Variants in SAR1B observed in about 807,000 individuals in gnomAD.
SAR1B encodes the protein secretion associated Ras related GTPase 1B.
In SAR1B, 23 loss-of-function variants were observed where a neutral mutation model predicts 26.8. The ratio of observed to expected loss-of-function variants is 0.86; its 90% CI spans 0.62 to 1.22. The LOEUF (loss-of-function observed/expected upper bound fraction) is 1.22, where lower values mean the gene tolerates loss of function less well. Ranked by LOEUF, SAR1B falls within the 50% of genes most tolerant of loss-of-function variation. The pLI, the probability that SAR1B is intolerant of heterozygous loss-of-function variation, is 0.00. For missense variants in SAR1B, 196 were observed against 232.8 expected, an observed-to-expected ratio of 0.84 and a Z score of 1.03; for synonymous variants, 65 against 80.8, an observed-to-expected ratio of 0.80 and a Z score of 1.05.
chr5:134,622,442 G>T (rs1302713580), intron 2 of SAR1B, among the ~76,000 whole-genome samples: 3 of 136,774 alleles, frequency 2.2e-5, no homozygotes, highest in Admixed American at 8.1e-5. Context: ...ACGGAGTCTC[G>T]CTCTGTCACC....
rs1765110105 is a variant in SAR1B, at chr5:134,605,497, A to G, written c.*1453T>C. On this transcript the variant is annotated 3_prime_UTR_variant, in exon 7 of 7. Transcript: ENST00000402673. ...GGCTTGCAGGCCCTATCACATGGCA[A>G]GCATAATATCTAAAAACAAAAGTCA... 6.6e-6 allele frequency: 1 copy of G among 152,026 alleles called. No homozygotes were observed. Among genetic ancestry groups the G allele is most frequent in the Admixed American group, 6.6e-5 (1 of 15,246 alleles). 9.4% of individuals were successfully genotyped at this position (152,026 alleles called of 1,614,324 possible).
chr5:134,608,489 A>G lies in SAR1B; in HGVS notation c.363T>C (p.Asp121=). 1 of 1,612,284 alleles carries G rather than the reference A, an allele frequency of 6.2e-7. No homozygotes were observed. The highest frequency in any genetic ancestry group is 8.5e-7 in the Non-Finnish European group (1 of 1,179,436). ...SKEELDSLMT[D]ETIANVPILI... ...GTATAGGCACATTAGCAATGGTTTC[A>G]TCTGTCATTAGTGACTGAAAAAAAC... is the stretch of plus-strand genomic sequence containing the variant. The change falls in exon 6 of 7, where the codon GAT becomes GAC. Residue 121 remains aspartate, a synonymous_variant. Transcript: ENST00000402673.
At chr5:134,608,246 A>G in intron 6 of SAR1B, 126 bp downstream of exon 6, 1 of 961,622 alleles carries the variant, frequency 1.0e-6, no homozygotes, top group Non-Finnish European at 1.5e-6. Flanking sequence ...AAAGACCCAC[A>G]GGTATAAATG....
intron 1 of SAR1B, among the ~76,000 whole-genome samples, chr5:134,630,889 CTTTTTTTTTT>C (rs781218368): frequency 1.2e-4 from 8 of 69,124 alleles, no homozygotes; most frequent in South Asian, 4.8e-4. Flanking sequence ...CTTTTTTTTT[CTTTTTTTTTT>C]TTTTTTTTTT....
chr5:134,621,333 G>T (rs1056910601), intron 2 of SAR1B, among the ~76,000 whole-genome samples: 2 of 152,124 alleles, frequency 1.3e-5, no homozygotes, highest in Non-Finnish European at 2.9e-5. Flanking sequence ...AGCCAGGTGT[G>T]GTGGCGCATG....
chr5:134,603,370 C>T lies in SAR1B; in HGVS notation c.*3580G>A, dbSNP rs781246223. The T allele has an allele frequency of 6.6e-6, 1 of 152,188 alleles. No homozygotes were observed. The highest frequency in any genetic ancestry group is 6.5e-5 in the Admixed American group (1 of 15,272). 9.4% of individuals were successfully genotyped at this position (152,188 alleles called of 1,614,324 possible). A position where few individuals can be genotyped will look rare whatever the true frequency, so the allele number is the denominator to read the frequency against. On this transcript the variant is annotated 3_prime_UTR_variant, in exon 7 of 7. Transcript: ENST00000402673. ...AACTATACTGTTTCTAATGATGGAA[C>T]CTGTGAAATGCTGGGTTTTGAATGT...
intron 1 of SAR1B, among the ~76,000 whole-genome samples, chr5:134,629,867 C>T (rs1382040815): frequency 7.3e-6 from 1 of 137,332 alleles, no homozygotes; most frequent in Non-Finnish European, 1.6e-5. Context: ...GCCTAGGCAA[C>T]AGGGCAACAT....
intron 1 of SAR1B, among the ~76,000 whole-genome samples, chr5:134,625,447 G>C (rs563028713): frequency 6.6e-6 from 1 of 152,282 alleles, no homozygotes; most frequent in South Asian, 2.1e-4. Flanking sequence ...AGTTCAAGTT[G>C]AGTGGACAAA....
At position 134,602,538 on chromosome 5, in the gene SAR1B, T is replaced by A. The variant is rs1344999583; in HGVS notation, c.*4412A>T. The A allele has an allele frequency of 6.6e-6, 1 of 152,148 alleles. No homozygotes were observed. Among genetic ancestry groups the A allele is most frequent in the African/African-American group, 2.4e-5 (1 of 41,438 alleles). The allele number at this position is 152,148 out of a possible 1,614,324, so 9.4% of individuals were successfully genotyped here. ...TTTTATTTGGTTAAAAAGCACTAAC[T>A]TGAATTTCAAAAGAAGGATAATAAT... On this transcript the variant is annotated 3_prime_UTR_variant, in exon 7 of 7. Transcript: ENST00000402673.
At chr5:134,625,941 A>T (rs1765485949) in intron 1 of SAR1B, 1 of 152,156 alleles carries the variant, frequency 6.6e-6, no homozygotes, top group African/African-American at 2.4e-5. Context: ...ATTTGTCCCA[A>T]GAGAGATAAT....
intron 1 of SAR1B, among the ~76,000 whole-genome samples, chr5:134,624,282 C>T (rs1328427645): frequency 6.6e-6 from 1 of 152,006 alleles, no homozygotes; most frequent in African/African-American, 2.4e-5. Flanking sequence ...GGTCATGGGC[C>T]CCTGTAATCC....
At chr5:134,628,931 G>A (rs1765549199) in intron 1 of SAR1B, among the ~76,000 whole-genome samples, 1 of 152,046 alleles carries the variant, frequency 6.6e-6, no homozygotes, top group South Asian at 2.1e-4. Flanking sequence ...TGGGATTACA[G>A]ATGTGAGCCA....
intron 3 of SAR1B, among the ~76,000 whole-genome samples, chr5:134,617,828 C>T (rs563850247): frequency 2.0e-5 from 3 of 152,246 alleles, no homozygotes; most frequent in African/African-American, 4.8e-5. Context: ...ATTACAGGCA[C>T]GTGCCACCGT....
intron 1 of SAR1B, among the ~76,000 whole-genome samples, chr5:134,629,733 A>C (rs1015146731): frequency 2.6e-5 from 4 of 151,412 alleles, no homozygotes; most frequent in South Asian, 2.1e-4. Context: ...ACAAAAAAAA[A>C]CAATTAGCTG....
chr5:134,608,632 CT>C, intron 5 of SAR1B, 129 bp from the exon 6 acceptor site: 1 of 1,023,696 alleles, frequency 9.8e-7, no homozygotes, highest in Non-Finnish European at 1.5e-6. Flanking sequence ...CTTTGTCAAA[CT>C]TTCCCCACAT....
At chr5:134,608,144 A>G (rs1765158950) in intron 6 of SAR1B, among the ~76,000 whole-genome samples, 1 of 152,198 alleles carries the variant, frequency 6.6e-6, no homozygotes, top group Non-Finnish European at 1.5e-5. Context: ...AGTTTCCTAT[A>G]AGCACAAGCC....
chr5:134,623,504 TAA>T (rs62986962), intron 2 of SAR1B, among the ~76,000 whole-genome samples: 11 of 137,896 alleles, frequency 8.0e-5, no homozygotes, highest in African/African-American at 2.4e-4. Context: ...TCTATAAAAT[TAA>T]AAAAAAAAAA....
Position 134,606,399 on chromosome 5 carries a change from C to T in SAR1B, c.*551G>A, listed in dbSNP as rs570850821. 6.0e-6 allele frequency: 1 copy of T among 166,288 alleles called. No individual in the cohort carries two copies. The highest frequency in any genetic ancestry group is 1.5e-4 in the South Asian group (1 of 6,702). The allele number at this position is 166,288 out of a possible 1,614,324, so 10.3% of individuals were successfully genotyped here. On this transcript the variant is annotated 3_prime_UTR_variant, in exon 7 of 7. Transcript: ENST00000402673. The stretch of plus-strand genomic sequence containing the variant: ...CAGAGTATACTAGCTAGATAAGACA[C>T]ATTTAAATGAAACATTTGCCCAACA...
At chr5:134,622,326 C>T (rs1258657394) in intron 2 of SAR1B, among the ~76,000 whole-genome samples, 6 of 151,482 alleles carry the variant, frequency 4.0e-5, no homozygotes, top group Non-Finnish European at 8.8e-5. Flanking sequence ...GTAATTTGCC[C>T]AAGATTACAT....
Sources: gnomAD v4.1 joint callset for allele counts (sites outside exome capture counted in the v4.1 genomes callset) on GRCh38, gnomAD v4.1.1 for gene constraint, MANE v1.5 for transcripts, NCBI Gene and HGNC (gene_info 2026-07-23, HGNC 2026-07-21) for gene names.